NMNAT2: variants seen among roughly 807,000 people sequenced by gnomAD.
The protein encoded by NMNAT2 is nicotinamide nucleotide adenylyltransferase 2.
NMNAT2 carries 11 observed loss-of-function variants against 41.6 expected under a neutral mutation model. That is an observed-to-expected ratio of 0.26 (90% CI 0.17 to 0.44). NMNAT2 has a LOEUF of 0.44. NMNAT2 is among the 20% of genes least tolerant of loss of function. The pLI is 1.00. For synonymous variants in NMNAT2, 148 were observed against 151.2 expected (o/e 0.98, Z 0.16); for missense variants, 288 against 407.7 (o/e 0.71, Z 2.53).
chr1:183,292,521 C>A (rs1482809806), intron 3 of NMNAT2, among the ~76,000 whole-genome samples: 1 of 152,222 alleles, frequency 6.6e-6, no homozygotes, highest in Non-Finnish European at 1.5e-5. Context: ...TTTCTGGAAG[C>A]TCCAAGAATC....
chr1:183,256,798 G>A (rs1660525681), intron 10 of NMNAT2, among the ~76,000 whole-genome samples: 1 of 152,094 alleles, frequency 6.6e-6, no homozygotes, highest in Non-Finnish European at 1.5e-5. Flanking sequence ...TGCCCAGGCT[G>A]GAGTGCAGCA....
chr1:183,335,661 T>C (rs1350608956), intron 1 of NMNAT2, among the ~76,000 whole-genome samples: 1 of 152,246 alleles, frequency 6.6e-6, no homozygotes, highest in African/African-American at 2.4e-5. Context: ...ATGGGGTTAG[T>C]TGATCATGCC....
At chr1:183,364,048 A>G (rs2102361156) in intron 1 of NMNAT2, among the ~76,000 whole-genome samples, 1 of 152,358 alleles carries the variant, frequency 6.6e-6, no homozygotes, top group Non-Finnish European at 1.5e-5. Flanking sequence ...GCTCAGCTCA[A>G]AGGCCATTTC....
chr1:183,290,352 GA>G (rs1661508940), intron 3 of NMNAT2, 146 bp from the exon 4 acceptor site: 1 of 608,126 alleles, frequency 1.6e-6, no homozygotes. Flanking sequence ...ACCTGGGTGT[GA>G]AACACTCTTC....
At chr1:183,254,875 A>C (rs1660478340) in intron 10 of NMNAT2, among the ~76,000 whole-genome samples, 1 of 152,052 alleles carries the variant, frequency 6.6e-6, no homozygotes, top group Non-Finnish European at 1.5e-5. Flanking sequence ...TTGCCTTTTC[A>C]TTTTGTTGGT....
At chr1:183,288,784 T>C (rs576646493) in intron 4 of NMNAT2, among the ~76,000 whole-genome samples, 1 of 152,336 alleles carries the variant, frequency 6.6e-6, no homozygotes, top group East Asian at 1.9e-4. Context: ...AGCACGTCTT[T>C]GCCTATCCTG....
intron 1 of NMNAT2, among the ~76,000 whole-genome samples, chr1:183,380,949 T>C (rs1663791240): frequency 6.6e-6 from 1 of 152,084 alleles, no homozygotes; most frequent in African/African-American, 2.4e-5. Context: ...ACTTGTGTTT[T>C]AGAAAGGTCG....
intron 1 of NMNAT2, among the ~76,000 whole-genome samples, chr1:183,307,266 G>A (rs1181103228): frequency 1.3e-5 from 2 of 151,600 alleles, no homozygotes; most frequent in Non-Finnish European, 2.9e-5. Context: ...ACCAGACCCT[G>A]GTATCTTCTC....
At chr1:183,257,159 T>G (rs1362897109) in intron 10 of NMNAT2, among the ~76,000 whole-genome samples, 1 of 151,864 alleles carries the variant, frequency 6.6e-6, no homozygotes, top group Admixed American at 6.6e-5. Flanking sequence ...TTAAAATGTA[T>G]AGGCCAGGCG....
rs542072332 is a variant in NMNAT2 at position 183,357,861 on chromosome 1, C to T, written c.85+60322G>A. Among the ~76,000 whole-genome samples the T allele has an allele frequency of 9.2e-5, 14 of 151,976 alleles. No homozygotes were observed. The South Asian group carries it at 2.1e-3, about 23-fold the overall frequency. Reference sequence around the variant, plus strand: ...CTTTTTAATGAGGTTGTTTCTTTCTCGTAAATAACTGTTTAACTCAGTAAT... The same window carrying T: ...CTTTTTAATGAGGTTGTTTCTTTCTTGTAAATAACTGTTTAACTCAGTAAT... On this transcript the variant is annotated intron_variant, in intron 1 of 10. Coordinates refer to ENST00000287713, the MANE Select transcript of NMNAT2 (RefSeq NM_015039.4).
intron 1 of NMNAT2, among the ~76,000 whole-genome samples, chr1:183,301,354 A>G (rs1453363912): frequency 1.3e-5 from 2 of 152,130 alleles, no homozygotes; most frequent in Non-Finnish European, 2.9e-5. Context: ...CCACTCCACC[A>G]CCATCTCCAA....
At chr1:183,287,611 A>G (rs964103312) in intron 4 of NMNAT2, among the ~76,000 whole-genome samples, 1 of 152,208 alleles carries the variant, frequency 6.6e-6, no homozygotes, top group Non-Finnish European at 1.5e-5. Context: ...AAGCAATCCC[A>G]CTGGGCCAAG....
In NMNAT2 at chr1:183,292,631, C is replaced by A. The variant is rs1030157212; in HGVS notation, c.242+159G>T. On this transcript the variant is annotated intron_variant, in intron 3 of 10. Coordinates refer to ENST00000287713, the MANE Select transcript of NMNAT2 (RefSeq NM_015039.4). ...GGTTCAAAAATAAAGTTATAGGTAT[C>A]CCTGGAGGTCTACTTATTGCCTCCA... Among the ~76,000 whole-genome samples, 5 of 152,186 alleles carry A rather than the reference C, an allele frequency of 3.3e-5. No individual in the cohort carries two copies. In the East Asian group the frequency reaches 9.6e-4, roughly 29 times the overall value.
intron 1 of NMNAT2, among the ~76,000 whole-genome samples, chr1:183,300,568 T>G (rs1273765869): frequency 1.3e-5 from 2 of 152,228 alleles, no homozygotes; most frequent in African/African-American, 4.8e-5. Flanking sequence ...TCTAAGGTAT[T>G]TTGTTACAGC....
At chr1:183,406,812 C>CTTT (rs58394186) in intron 1 of NMNAT2, among the ~76,000 whole-genome samples, 44 of 88,664 alleles carry the variant, frequency 5.0e-4, no homozygotes, top group African/African-American at 1.1e-3. Flanking sequence ...TCTGCCATTC[C>CTTT]TTTTTTTTTT....
At chr1:183,286,599 T>G in intron 5 of NMNAT2, 63 bp downstream of exon 5, 2 of 1,437,462 alleles carry the variant, frequency 1.4e-6, no homozygotes, top group Non-Finnish European at 1.9e-6. Flanking sequence ...CCAGTAGTCA[T>G]TAATTTAACA....
At chr1:183,381,903 C>T (rs924505163) in intron 1 of NMNAT2, among the ~76,000 whole-genome samples, 2 of 152,144 alleles carry the variant, frequency 1.3e-5, no homozygotes, top group African/African-American at 4.8e-5. Context: ...TGTTCTAGAT[C>T]ACATAGCTGG....
chr1:183,295,971 C>T (rs1035474506), intron 1 of NMNAT2, among the ~76,000 whole-genome samples: 4 of 152,170 alleles, frequency 2.6e-5, no homozygotes, highest in African/African-American at 9.7e-5. Context: ...GCCTCAGCCT[C>T]CCAAGTAGTT....
intron 1 of NMNAT2, among the ~76,000 whole-genome samples, chr1:183,393,211 A>G (rs1165396363): frequency 2.6e-5 from 4 of 152,254 alleles, no homozygotes; most frequent in African/African-American, 9.6e-5. Context: ...TGTCATCATC[A>G]TCATAACTCA....
Sources: gnomAD v4.1 joint callset for allele counts (sites outside exome capture counted in the v4.1 genomes callset) on GRCh38, gnomAD v4.1.1 for gene constraint, MANE v1.5 for transcripts, NCBI Gene and HGNC (gene_info 2026-07-23, HGNC 2026-07-21) for gene names.